NRG1: variants seen among roughly 807,000 people sequenced by gnomAD.
NRG1 encodes the protein neuregulin 1.
Under a neutral mutation model 63.8 loss-of-function variants are expected in NRG1, and 18 were observed. That is an observed-to-expected ratio of 0.28 (90% CI 0.19 to 0.42). NRG1 has a LOEUF of 0.42. Ranked by LOEUF, NRG1 falls within the 10% of genes least tolerant of loss-of-function variation. NRG1 has a pLI of 1.00. For missense variants in NRG1, 762 were observed against 814.7 expected, an observed-to-expected ratio of 0.94 and a Z score of 0.79; for synonymous variants, 302 against 301.3, an observed-to-expected ratio of 1.00 and a Z score of -0.02.
chr8:32,278,646 A>G (rs1167325521), intron 1 of NRG1, among the ~76,000 whole-genome samples: 1 of 152,198 alleles, frequency 6.6e-6, no homozygotes, highest in East Asian at 1.9e-4. Flanking sequence ...AGTCCTATGT[A>G]TGGACACATC....
intron 6 of NRG1, among the ~76,000 whole-genome samples, chr8:32,734,132 T>G (rs1824415341): frequency 6.6e-6 from 1 of 152,184 alleles, no homozygotes; most frequent in African/African-American, 2.4e-5. Context: ...GAAGCGAGTC[T>G]TCCTTACAGG....
At chr8:32,580,459 A>G (rs7826833) in intron 1 of NRG1, among the ~76,000 whole-genome samples, 39,110 of 152,182 alleles carry the variant, frequency 0.26, 5,164 homozygotes, top group South Asian at 0.33. Context: ...AAGAATAGCT[A>G]CCAACATTTG....
At chr8:32,217,882 T>C (rs1845408487) in intron 1 of NRG1, among the ~76,000 whole-genome samples, 2 of 152,166 alleles carry the variant, frequency 1.3e-5, no homozygotes, top group Admixed American at 6.5e-5. Flanking sequence ...GAACTAAGTC[T>C]AAAACAGATG....
intron 1 of NRG1, among the ~76,000 whole-genome samples, chr8:31,722,471 C>A (rs1404965841): frequency 2.0e-5 from 3 of 152,096 alleles, no homozygotes; most frequent in Non-Finnish European, 4.4e-5. Context: ...CAGGGTATAT[C>A]ATAGTATTGT....
intron 1 of NRG1, among the ~76,000 whole-genome samples, chr8:32,335,947 A>G (rs1803207609): frequency 6.6e-6 from 1 of 152,000 alleles, no homozygotes; most frequent in Non-Finnish European, 1.5e-5. Context: ...TGTCCACCAC[A>G]TACATGCATG....
chr8:32,575,478 T>C (rs1414052840), intron 1 of NRG1, among the ~76,000 whole-genome samples: 1 of 152,002 alleles, frequency 6.6e-6, no homozygotes, highest in East Asian at 1.9e-4. Context: ...AACTTTGTAG[T>C]GGGCTGGAGA....
chr8:32,558,829 C>T (rs1383914166), intron 1 of NRG1, among the ~76,000 whole-genome samples: 1 of 151,884 alleles, frequency 6.6e-6, no homozygotes, highest in African/African-American at 2.4e-5. Flanking sequence ...GCCTGTAATC[C>T]CAACACTTTG....
chr8:31,852,492 G>A (rs1396009061), intron 1 of NRG1, among the ~76,000 whole-genome samples: 2 of 152,046 alleles, frequency 1.3e-5, no homozygotes, highest in Non-Finnish European at 2.9e-5. Flanking sequence ...TGAGTTCATT[G>A]TAGATTCTGG....
At chr8:32,631,916 A>G (rs1850388113) in intron 5 of NRG1, among the ~76,000 whole-genome samples, 1 of 152,172 alleles carries the variant, frequency 6.6e-6, no homozygotes, top group Non-Finnish European at 1.5e-5. Context: ...TAAGAACAAT[A>G]GCAACAAGAT....
intron 1 of NRG1, among the ~76,000 whole-genome samples, chr8:32,593,796 A>C (rs1383963653): frequency 6.6e-6 from 1 of 151,226 alleles, no homozygotes; most frequent in African/African-American, 2.4e-5. Flanking sequence ...AGATTCATGA[A>C]CCACATTTTA....
At chr8:32,165,484 T>G (rs1176054890) in intron 1 of NRG1, among the ~76,000 whole-genome samples, 1 of 152,066 alleles carries the variant, frequency 6.6e-6, no homozygotes, top group Non-Finnish European at 1.5e-5. Context: ...AATGAAAACA[T>G]ATGAGTATAA....
intron 1 of NRG1, among the ~76,000 whole-genome samples, chr8:31,719,389 G>T (rs903397542): frequency 6.6e-6 from 1 of 152,128 alleles, no homozygotes; most frequent in Non-Finnish European, 1.5e-5. Context: ...GAAGGTAACT[G>T]CTAATTCTAC....
chr8:31,782,907 A>T (rs1819827655), intron 1 of NRG1, among the ~76,000 whole-genome samples: 1 of 152,120 alleles, frequency 6.6e-6, no homozygotes, highest in African/African-American at 2.4e-5. Flanking sequence ...TGTGGAAGGG[A>T]TTCAAGGGGT....
chr8:32,183,190 G>A (rs767788639), intron 1 of NRG1, among the ~76,000 whole-genome samples: 2 of 152,118 alleles, frequency 1.3e-5, no homozygotes, highest in Non-Finnish European at 2.9e-5. Flanking sequence ...CTTGTAGAAC[G>A]TGCGTTCTAA....
downstream of NRG1, among the ~76,000 whole-genome samples, chr8:32,772,098 C>A (rs1831866555): frequency 5.6e-5 from 8 of 142,100 alleles, no homozygotes; most frequent in South Asian, 2.2e-4. Context: ...TAAAATCCCA[C>A]CAAAAGTCTG....
intron 1 of NRG1, among the ~76,000 whole-genome samples, chr8:32,298,132 C>G (rs934269690): frequency 1.3e-5 from 2 of 152,194 alleles, no homozygotes; most frequent in Admixed American, 6.6e-5. Flanking sequence ...GATTTATTGG[C>G]TAATTGGTGT....
intron 1 of NRG1, among the ~76,000 whole-genome samples, chr8:32,407,817 A>G (rs1331613522): frequency 1.3e-5 from 2 of 152,132 alleles, no homozygotes; most frequent in Non-Finnish European, 2.9e-5. Flanking sequence ...TGATTTTTTA[A>G]AATCAAAATA....
chr8:31,656,319 A>G (rs570443387), intron 1 of NRG1, among the ~76,000 whole-genome samples: 1 of 152,344 alleles, frequency 6.6e-6, no homozygotes, highest in East Asian at 1.9e-4. Flanking sequence ...GGAGGAAGAC[A>G]GAGCCCAAAC....
intron 1 of NRG1, among the ~76,000 whole-genome samples, chr8:31,777,976 A>G (rs1819311358): frequency 6.6e-6 from 1 of 152,158 alleles, no homozygotes; most frequent in African/African-American, 2.4e-5. Context: ...TATGGAGGGG[A>G]CAAATATCCA....
Sources: gnomAD v4.1 joint callset for allele counts (sites outside exome capture counted in the v4.1 genomes callset) on GRCh38, gnomAD v4.1.1 for gene constraint, MANE v1.5 for transcripts, NCBI Gene and HGNC (gene_info 2026-07-23, HGNC 2026-07-21) for gene names.